ANKS1B: variants seen among roughly 807,000 people sequenced by gnomAD.
ANKS1B encodes ankyrin repeat and sterile alpha motif domain containing 1B.
Under a neutral mutation model 148.3 loss-of-function variants are expected in ANKS1B, and 36 were observed. That is an observed-to-expected ratio of 0.24 (90% CI 0.19 to 0.32). The LOEUF (loss-of-function observed/expected upper bound fraction) is 0.32, where lower values mean the gene tolerates loss of function less well. ANKS1B is among the 10% of genes least tolerant of loss of function. The pLI is 1.00. For missense variants in ANKS1B, 1,157 were observed against 1,542.6 expected, an observed-to-expected ratio of 0.75 and a Z score of 4.19; for synonymous variants, 542 against 560.8, an observed-to-expected ratio of 0.97 and a Z score of 0.47.
At chr12:99,274,206 C>T (rs1001708782) in intron 12 of ANKS1B, among the ~76,000 whole-genome samples, 1 of 152,172 alleles carries the variant, frequency 6.6e-6, no homozygotes, top group Non-Finnish European at 1.5e-5. Context: ...TGGATTTGAA[C>T]TCTGACCCAG....
chr12:99,520,228 C>T (rs1733739524), intron 9 of ANKS1B, among the ~76,000 whole-genome samples: 4 of 152,180 alleles, frequency 2.6e-5, no homozygotes, highest in South Asian at 2.1e-4. Context: ...GATTTAAGAA[C>T]TCCCTTTAAC....
At chr12:99,259,256 G>T (rs2075660992) in intron 12 of ANKS1B, among the ~76,000 whole-genome samples, 1 of 152,176 alleles carries the variant, frequency 6.6e-6, no homozygotes, top group Non-Finnish European at 1.5e-5. Flanking sequence ...TGATCTTTGG[G>T]TATTTATTCT....
At chr12:99,971,606 CAAA>C (rs200612388) in intron 1 of ANKS1B, among the ~76,000 whole-genome samples, 11 of 109,186 alleles carry the variant, frequency 1.0e-4, no homozygotes, top group African/African-American at 2.2e-4. Context: ...TAATTCAGGC[CAAA>C]AAAAAAAAAA....
chr12:99,838,580 T>G (rs570217738), intron 1 of ANKS1B, among the ~76,000 whole-genome samples: 1 of 152,294 alleles, frequency 6.6e-6, no homozygotes, highest in South Asian at 2.1e-4. Flanking sequence ...ATTTCCCTTA[T>G]TTCATCTTTC....
chr12:99,415,091 C>A (rs756487872), intron 11 of ANKS1B, among the ~76,000 whole-genome samples: 2 of 152,114 alleles, frequency 1.3e-5, no homozygotes, highest in Non-Finnish European at 2.9e-5. Flanking sequence ...TAGTTTTGGA[C>A]TCAATGTAGA....
At chr12:99,243,767 G>A (rs2089785232) in intron 14 of ANKS1B, among the ~76,000 whole-genome samples, 1 of 152,076 alleles carries the variant, frequency 6.6e-6, no homozygotes, top group Non-Finnish European at 1.5e-5. Flanking sequence ...TCAGCAAACT[G>A]TCACAAGGAC....
At chr12:99,932,882 A>G (rs183699451) in intron 1 of ANKS1B, among the ~76,000 whole-genome samples, 1 of 152,234 alleles carries the variant, frequency 6.6e-6, no homozygotes, top group East Asian at 1.9e-4. Flanking sequence ...ATTTTCTTGT[A>G]CCAATTTCAT....
intron 1 of ANKS1B, among the ~76,000 whole-genome samples, chr12:99,961,581 A>C (rs780994255): frequency 1.3e-5 from 2 of 152,134 alleles, no homozygotes; most frequent in Non-Finnish European, 2.9e-5. Context: ...TCTATGAAAG[A>C]CTTCTATAGT....
At position 99,015,883 on chromosome 12, in the gene ANKS1B, A is replaced by T. The variant is rs1044715304; in HGVS notation, c.2778+37274T>A. On this transcript the variant is annotated intron_variant, in intron 17 of 26. Transcript: ENST00000683438. Reference sequence around the variant, plus strand: ...TCCATCTCAAACCAAAAAACAAAAAACAAACAAAAAAACACAGCTTCAAGT... The same window carrying T: ...TCCATCTCAAACCAAAAAACAAAAATCAAACAAAAAAACACAGCTTCAAGT... 2.6e-5 allele frequency among the ~76,000 whole-genome samples: 4 copies of T among 152,180 alleles called. No homozygotes were observed. The East Asian group carries it at 7.7e-4, about 29-fold the overall frequency.
intron 15 of ANKS1B, among the ~76,000 whole-genome samples, chr12:99,137,110 G>A (rs1213514272): frequency 6.6e-6 from 1 of 152,198 alleles, no homozygotes; most frequent in Non-Finnish European, 1.5e-5. Context: ...AAGCAGAGAA[G>A]CCTTAATTTT....
intron 12 of ANKS1B, among the ~76,000 whole-genome samples, chr12:99,357,733 A>C (rs564196281): frequency 5.9e-5 from 9 of 152,018 alleles, no homozygotes; most frequent in African/African-American, 2.2e-4. Flanking sequence ...AGGTGAAAAA[A>C]CCCTCATATA....
chr12:98,831,876 A>G, intron 18 of ANKS1B, 153 bp downstream of exon 18: 1 of 688,560 alleles, frequency 1.5e-6, no homozygotes, highest in Non-Finnish European at 2.6e-6. Flanking sequence ...CAGCCTCCGG[A>G]GTAGCTGGGA....
At chr12:99,901,960 T>C (rs376529176) in intron 1 of ANKS1B, among the ~76,000 whole-genome samples, 1 of 152,226 alleles carries the variant, frequency 6.6e-6, no homozygotes, top group Non-Finnish European at 1.5e-5. Context: ...GAACACTTAT[T>C]ATGATCCATG....
At chr12:99,026,962 A>C (rs547492477) in intron 17 of ANKS1B, among the ~76,000 whole-genome samples, 70 of 152,330 alleles carry the variant, frequency 4.6e-4, no homozygotes, top group African/African-American at 1.4e-3. Flanking sequence ...TGCGGGGATG[A>C]ATCCTTTTGT....
intron 14 of ANKS1B, among the ~76,000 whole-genome samples, chr12:99,181,676 A>ATTTTTTT (rs2079129614): frequency 6.6e-6 from 1 of 152,012 alleles, no homozygotes; most frequent in African/African-American, 2.4e-5. Flanking sequence ...GTGGGTACAT[A>ATTTTTTT]ATGGGTGTAT....
intron 12 of ANKS1B, among the ~76,000 whole-genome samples, chr12:99,291,475 T>A (rs1031013593): frequency 6.6e-6 from 1 of 152,126 alleles, no homozygotes; most frequent in Non-Finnish European, 1.5e-5. Context: ...AGGAATCACA[T>A]TACCAGACTT....
intron 12 of ANKS1B, among the ~76,000 whole-genome samples, chr12:99,361,212 A>T (rs1235207875): frequency 6.6e-6 from 1 of 152,160 alleles, no homozygotes; most frequent in African/African-American, 2.4e-5. Flanking sequence ...GCATGACTGT[A>T]TCAAAGCATC....
At chr12:99,600,612 C>T (rs578031825) in intron 9 of ANKS1B, among the ~76,000 whole-genome samples, 1 of 151,994 alleles carries the variant, frequency 6.6e-6, no homozygotes, top group African/African-American at 2.4e-5. Context: ...GAGAATCCAG[C>T]TCTGAGAAAC....
chr12:99,806,525 G>T lies in ANKS1B; in HGVS notation c.548C>A (p.Ala183Glu), dbSNP rs755346361. Residue 183 changes from alanine to glutamate, a missense_variant, in exon 4 of 27, where the codon GCA becomes GAA. This residue lies in a region of ANKS1B where 164 missense variants were observed against 232.6 expected (regional missense o/e 0.71). Transcript: ENST00000683438. Reference sequence around the variant, plus strand: ...GTTGCAGCTCATTAAGTTAGGATGTGCACTGATGATCATTTTTACCACTCT... The same window carrying T: ...GTTGCAGCTCATTAAGTTAGGATGTTCACTGATGATCATTTTTACCACTCT... The part of the protein sequence containing the change: ...RLRVVKMIIS[A>E]HPNLMSCNTR... 1.2e-5 allele frequency: 19 copies of T among 1,613,824 alleles called. No homozygotes were observed. The East Asian group carries it at 4.0e-4, about 34-fold the overall frequency.
Sources: gnomAD v4.1 joint callset for allele counts (sites outside exome capture counted in the v4.1 genomes callset) on GRCh38, gnomAD v4.1.1 for gene constraint, gnomAD v4.1.1 regional missense constraint, MANE v1.5 for transcripts, NCBI Gene and HGNC (gene_info 2026-07-23, HGNC 2026-07-21) for gene names.